MAPK10: variants seen among roughly 807,000 people sequenced by gnomAD.
MAPK10 encodes mitogen-activated protein kinase 10, also known as JNK3 alpha protein kinase.
In MAPK10, 25 loss-of-function variants were observed where a neutral mutation model predicts 59.3. The observed-to-expected ratio is 0.42, with a 90% CI of 0.31 to 0.59. The LOEUF (loss-of-function observed/expected upper bound fraction) is 0.59. MAPK10 is among the 20% of genes least tolerant of loss of function. The pLI is 0.15. For synonymous variants in MAPK10, 190 were observed against 200.5 expected, an observed-to-expected ratio of 0.95 and a Z score of 0.44; for missense variants, 351 against 568.9, an observed-to-expected ratio of 0.62 and a Z score of 3.90.
chr4:86,314,605 G>A (rs550001610), intron 2 of MAPK10, among the ~76,000 whole-genome samples: 2 of 152,138 alleles, frequency 1.3e-5, no homozygotes, highest in African/African-American at 4.8e-5. Context: ...GCATGAAAAT[G>A]GACCAACCCG....
At chr4:86,414,456 A>G (rs890490654) in intron 1 of MAPK10, among the ~76,000 whole-genome samples, 5 of 152,178 alleles carry the variant, frequency 3.3e-5, no homozygotes, top group African/African-American at 4.8e-5. Flanking sequence ...CTACTTTTCA[A>G]AAGTGTGTGA....
At chr4:86,137,761 G>C (rs1194504853) in intron 4 of MAPK10, among the ~76,000 whole-genome samples, 1 of 136,784 alleles carries the variant, frequency 7.3e-6, no homozygotes, top group Non-Finnish European at 1.6e-5. Flanking sequence ...TTTTTTGAAA[G>C]GATCAACAAA....
At chr4:86,070,747 T>C (rs1430026129) in intron 9 of MAPK10, among the ~76,000 whole-genome samples, 1 of 150,654 alleles carries the variant, frequency 6.6e-6, no homozygotes, top group East Asian at 2.0e-4. Flanking sequence ...CTGCATAGTA[T>C]TCCATGGTGT....
intron 1 of MAPK10, among the ~76,000 whole-genome samples, chr4:86,543,764 CA>C (rs1196026561): frequency 4.0e-5 from 6 of 150,310 alleles, no homozygotes; most frequent in African/African-American, 1.5e-4. Flanking sequence ...AAGCTGGGTC[CA>C]AAAAAAACAG....
chr4:86,114,785 A>G (rs1442733166), intron 4 of MAPK10, among the ~76,000 whole-genome samples: 4 of 152,304 alleles, frequency 2.6e-5, no homozygotes, highest in Admixed American at 1.3e-4. Context: ...GGTGCCCCCA[A>G]CTGTGAGACT....
chr4:86,074,888 C>G (rs1455405327), intron 9 of MAPK10, among the ~76,000 whole-genome samples: 2 of 127,706 alleles, frequency 1.6e-5, no homozygotes, highest in African/African-American at 3.2e-5. Flanking sequence ...TTGCTCTTCT[C>G]GAGGAGTATC....
At chr4:86,113,560 T>C (rs1334604356) in intron 4 of MAPK10, among the ~76,000 whole-genome samples, 1 of 152,196 alleles carries the variant, frequency 6.6e-6, no homozygotes, top group Non-Finnish European at 1.5e-5. Flanking sequence ...TCTTCAGACT[T>C]GTAGGGTTTC....
At chr4:86,194,290 AC>A (rs1402658637) in intron 3 of MAPK10, 45 bp downstream of exon 3, 1 of 1,426,736 alleles carries the variant, frequency 7.0e-7, no homozygotes, top group Non-Finnish European at 9.9e-7. Flanking sequence ...AAGTGGAAAT[AC>A]AAGGGAATAT....
At chr4:86,096,472 C>T (rs142399270) in intron 9 of MAPK10, among the ~76,000 whole-genome samples, 93 of 151,706 alleles carry the variant, frequency 6.1e-4, no homozygotes, top group African/African-American at 2.1e-3. Context: ...CGCATAAATG[C>T]CTGAAGAGCT....
At chr4:86,427,183 G>A (rs546781823) in intron 1 of MAPK10, among the ~76,000 whole-genome samples, 4 of 151,306 alleles carry the variant, frequency 2.6e-5, no homozygotes, top group African/African-American at 9.7e-5. Flanking sequence ...CGTGAACCCG[G>A]GAGGCAGAGC....
intron 1 of MAPK10, among the ~76,000 whole-genome samples, chr4:86,487,148 C>T (rs1379878736): frequency 6.6e-6 from 1 of 152,068 alleles, no homozygotes; most frequent in Admixed American, 6.6e-5. Context: ...GGGAAAATGC[C>T]ATAACAGACA....
At chr4:86,305,096 T>G (rs900886151) in intron 2 of MAPK10, among the ~76,000 whole-genome samples, 1 of 152,246 alleles carries the variant, frequency 6.6e-6, no homozygotes, top group African/African-American at 2.4e-5. Flanking sequence ...TCTTGATTAT[T>G]TAGTATTATG....
intron 3 of MAPK10, chr4:86,193,043 T>C (rs767797706): frequency 1.3e-5 from 2 of 152,400 alleles, no homozygotes; most frequent in Non-Finnish European, 2.9e-5. Context: ...GCTGCAGCTC[T>C]GCTGGAGTTT....
intron 2 of MAPK10, among the ~76,000 whole-genome samples, chr4:86,197,820 G>A (rs2081703706): frequency 1.3e-5 from 2 of 152,112 alleles, no homozygotes; most frequent in African/African-American, 2.4e-5. Context: ...TTTGCCTAGC[G>A]CCGGCAAGGG....
chr4:86,118,739 T>A (rs1432788650), intron 4 of MAPK10, among the ~76,000 whole-genome samples: 1 of 152,144 alleles, frequency 6.6e-6, no homozygotes, highest in Non-Finnish European at 1.5e-5. Context: ...TGACAATTTT[T>A]CTTGTTCCTC....
intron 10 of MAPK10, among the ~76,000 whole-genome samples, chr4:86,066,205 A>T (rs996406262): frequency 3.3e-5 from 5 of 152,088 alleles, no homozygotes; most frequent in African/African-American, 1.2e-4. Flanking sequence ...TTTCTGGGAA[A>T]CTCAATCCTA....
chr4:86,381,428 T>G (rs935535018), intron 1 of MAPK10, among the ~76,000 whole-genome samples: 1 of 152,172 alleles, frequency 6.6e-6, no homozygotes, highest in African/African-American at 2.4e-5. Flanking sequence ...GCTCTCCTTG[T>G]GCAGGTCCCG....
In MAPK10 at chr4:86,316,089, T is replaced by G. The variant is rs2095781669; in HGVS notation, c.-7+38441A>C. Among the ~76,000 whole-genome samples the G allele has an allele frequency of 3.3e-5, 5 of 152,146 alleles. No individual in the cohort carries two copies. The South Asian group carries it at 8.3e-4, about 25-fold the overall frequency. ...TTAGAAATGCCTCTGTAACAAACAC[T>G]GTTGCTACTCCCTAATGCTGATGTT... On this transcript the variant is annotated intron_variant, in intron 2 of 13. Transcript: ENST00000641462.
chr4:86,396,826 C>T (rs1743006567), intron 1 of MAPK10, among the ~76,000 whole-genome samples: 1 of 152,066 alleles, frequency 6.6e-6, no homozygotes, highest in Non-Finnish European at 1.5e-5. Flanking sequence ...ACCTAAACAC[C>T]TCCTACTAAG....
Sources: allele counts gnomAD v4.1 joint callset (sites outside exome capture counted in the v4.1 genomes callset), GRCh38; gene constraint gnomAD v4.1.1; transcripts MANE v1.5; gene names NCBI Gene and HGNC (gene_info 2026-07-23, HGNC 2026-07-21).